ANKRD12: variants seen among roughly 807,000 people sequenced by gnomAD.
The protein encoded by ANKRD12 is ankyrin repeat domain 12.
In ANKRD12, 85 loss-of-function variants were observed where a neutral mutation model predicts 183.4. The observed-to-expected ratio is 0.46, with a 90% CI of 0.39 to 0.56. ANKRD12 has a LOEUF of 0.56. Ranked by LOEUF, ANKRD12 falls within the 20% of genes least tolerant of loss-of-function variation. ANKRD12 has a pLI of 0.00. For missense variants in ANKRD12, 2,405 were observed against 2,357.1 expected, an observed-to-expected ratio of 1.02 and a Z score of -0.42; for synonymous variants, 914 against 800.2, an observed-to-expected ratio of 1.14 and a Z score of -2.40.
intron 1 of ANKRD12, among the ~76,000 whole-genome samples, chr18:9,162,674 T>C (rs989721389): frequency 2.0e-5 from 3 of 152,238 alleles, no homozygotes; most frequent in African/African-American, 4.8e-5. Flanking sequence ...CCACTAACAG[T>C]GTAAAAGCAT....
chr18:9,170,466 C>T (rs1046049174), intron 1 of ANKRD12, among the ~76,000 whole-genome samples: 7 of 152,082 alleles, frequency 4.6e-5, no homozygotes, highest in African/African-American at 9.7e-5. Flanking sequence ...TTTGATCTTC[C>T]GTCACTTATA....
At chr18:9,165,552 A>G (rs1314519171) in intron 1 of ANKRD12, among the ~76,000 whole-genome samples, 1 of 152,118 alleles carries the variant, frequency 6.6e-6, no homozygotes, top group Non-Finnish European at 1.5e-5. Flanking sequence ...ATCCTAATTT[A>G]TATCTATGAA....
In ANKRD12 at chr18:9,278,608, C is replaced by A. The variant is rs535977758; in HGVS notation, c.5908-941C>A. Among the ~76,000 whole-genome samples, 12 of 152,182 alleles carry A rather than the reference C, an allele frequency of 7.9e-5. No homozygotes were observed. The South Asian group carries it at 2.5e-3, about 32-fold the overall frequency. On this transcript the variant is annotated intron_variant, in intron 11 of 12. Coordinates refer to ENST00000262126, the MANE Select transcript of ANKRD12 (RefSeq NM_015208.5). ...GGTCAGGAGTTCGAGACCAGCCTGG[C>A]CAATATGGTGAAACCACATCTCTAG... is the stretch of plus-strand genomic sequence containing the variant.
rs376461341 is a variant in ANKRD12, at chr18:9,263,765, A to G, written c.5665-25A>G. On this transcript the variant is annotated intron_variant, in intron 9 of 12. Transcript: ENST00000262126. ...TATTGTAAATAAAACCTAATATTTT[A>G]AACTATATATATCTTTTTAATTAGA... The G allele has an allele frequency of 6.2e-6, 9 of 1,458,594 alleles. No homozygotes were observed. In the African/African-American group the frequency reaches 1.3e-4, roughly 21 times the overall value. 90.4% of individuals were successfully genotyped at this position (1,458,594 alleles called of 1,614,324 possible).
chr18:9,218,672 T>C (rs986303709), intron 7 of ANKRD12, among the ~76,000 whole-genome samples: 3 of 151,382 alleles, frequency 2.0e-5, no homozygotes, highest in East Asian at 1.9e-4. Flanking sequence ...TTTCTTTTTT[T>C]TTTTTTCTTT....
chr18:9,186,771 G>C (rs1256954427), intron 2 of ANKRD12, among the ~76,000 whole-genome samples: 2 of 56,924 alleles, frequency 3.5e-5, no homozygotes, highest in Non-Finnish European at 3.5e-5. Flanking sequence ...TTTTTTTTTT[G>C]ACGGAGTCTC....
chr18:9,249,641 A>AT (rs959463634), intron 8 of ANKRD12: 11 of 152,116 alleles, frequency 7.2e-5, no homozygotes, highest in Non-Finnish European at 1.0e-4. Context: ...CTATATATAC[A>AT]TTTTTTTAAA....
intron 2 of ANKRD12, among the ~76,000 whole-genome samples, chr18:9,186,815 G>A (rs1469680768): frequency 3.4e-5 from 5 of 148,034 alleles, no homozygotes; most frequent in Non-Finnish European, 7.4e-5. Flanking sequence ...GGAGTGGCGC[G>A]ATCTCAGCTC....
At chr18:9,140,529 C>G (rs771975348) in intron 1 of ANKRD12, among the ~76,000 whole-genome samples, 9 of 152,178 alleles carry the variant, frequency 5.9e-5, no homozygotes. Flanking sequence ...GTTTCTGTAA[C>G]AGACAGTGGC....
At chr18:9,192,825 G>T (rs372963102) in intron 2 of ANKRD12, among the ~76,000 whole-genome samples, 51 of 151,858 alleles carry the variant, frequency 3.4e-4, no homozygotes, top group African/African-American at 1.2e-3. Flanking sequence ...GGGACTACAG[G>T]TGTGTGCCAT....
intron 2 of ANKRD12, among the ~76,000 whole-genome samples, chr18:9,186,862 C>G (rs1452751829): frequency 6.6e-6 from 1 of 151,542 alleles, no homozygotes; most frequent in Non-Finnish European, 1.5e-5. Context: ...CGCCATTCTC[C>G]TGCCTCAGCC....
At position 9,256,627 on chromosome 18, in the gene ANKRD12, A is replaced by G. The variant is rs774762021; in HGVS notation, c.3360A>G (p.Ile1120Met). 2 of 1,605,084 alleles carry G rather than the reference A, an allele frequency of 1.2e-6. No homozygotes were observed. Among genetic ancestry groups the G allele is most frequent in the South Asian group, 2.3e-5 (2 of 88,382 alleles). Residue 1120 changes from isoleucine (I) to methionine (M), a missense_variant, in exon 9 of 13, where the codon ATA becomes ATG. Transcript: ENST00000262126. ...ACCGAAACTGTTTAGAACTTAAAAT[A>G]AAAGATAAAGAAAAAACAAAGCATA... ...LRNRNCLELK[I>M]KDKEKTKHTP...
Position 9,285,429 on chromosome 18 carries a change from A to C in ANKRD12, c.*4303A>C, listed in dbSNP as rs1448594318. The C allele has an allele frequency of 3.3e-4, 41 of 125,266 alleles. 1 individual carries two copies. The highest frequency in any genetic ancestry group is 1.2e-3 in the African/African-American group (41 of 33,388). The allele number at this position is 125,266 out of a possible 1,614,324, so 7.8% of individuals were successfully genotyped here. A position where few individuals can be genotyped will look rare whatever the true frequency, so the allele number is the denominator to read the frequency against. Reference sequence around the variant, plus strand: ...CAACAAGAGTGAAACTCTGTCTCCAAAAAAAAAAAAAAAAAAAAAAAGTAT... The same window carrying C: ...CAACAAGAGTGAAACTCTGTCTCCACAAAAAAAAAAAAAAAAAAAAAGTAT... On this transcript the variant is annotated 3_prime_UTR_variant, in exon 13 of 13. Transcript: ENST00000262126.
At chr18:9,161,445 G>A (rs1053310631) in intron 1 of ANKRD12, among the ~76,000 whole-genome samples, 8 of 150,598 alleles carry the variant, frequency 5.3e-5, no homozygotes, top group South Asian at 4.2e-4. Context: ...GCGCGATCTC[G>A]GCTCACTGCA....
intron 3 of ANKRD12, among the ~76,000 whole-genome samples, chr18:9,196,324 A>G (rs1438504626): frequency 6.6e-6 from 1 of 152,074 alleles, no homozygotes; most frequent in Non-Finnish European, 1.5e-5. Context: ...AGTTATTCAT[A>G]ACGGATGAGA....
intron 1 of ANKRD12, among the ~76,000 whole-genome samples, chr18:9,140,328 G>GT (rs1269690699): frequency 6.6e-6 from 1 of 152,020 alleles, no homozygotes; most frequent in Non-Finnish European, 1.5e-5. Flanking sequence ...TACCTTTATT[G>GT]TTTTCATCTT....
intron 1 of ANKRD12, among the ~76,000 whole-genome samples, chr18:9,171,564 G>A (rs755733618): frequency 1.1e-4 from 17 of 152,068 alleles, no homozygotes; most frequent in Non-Finnish European, 1.8e-4. Context: ...GGCTGGCAGC[G>A]GAAAGGAAAG....
Position 9,283,612 on chromosome 18 carries a change from T to G in ANKRD12, c.*2486T>G, listed in dbSNP as rs2040169753. 6.6e-6 allele frequency: 1 copy of G among 152,634 alleles called. No individual in the cohort carries two copies. The highest frequency in any genetic ancestry group is 1.5e-5 in the Non-Finnish European group (1 of 68,016). The allele number at this position is 152,634 out of a possible 1,614,324, so 9.5% of individuals were successfully genotyped here. A position where few individuals can be genotyped will look rare whatever the true frequency, so the allele number is the denominator to read the frequency against. On this transcript the variant is annotated 3_prime_UTR_variant, in exon 13 of 13. Coordinates refer to ENST00000262126, the MANE Select transcript of ANKRD12 (RefSeq NM_015208.5). ...GAAAAAGGATGGTTAGTTTAATCAG[T>G]GATTCTTTTTAAACTCTTCAAATAT... is the stretch of plus-strand genomic sequence containing the variant.
At position 9,256,913 on chromosome 18, in the gene ANKRD12, T is replaced by C. The variant is rs745895466; in HGVS notation, c.3646T>C (p.Cys1216Arg). The change falls in exon 9 of 13, where the codon TGC (cysteine) becomes CGC (arginine). Residue 1216 changes from cysteine (C) to arginine (R), a missense_variant. Transcript: ENST00000262126. ...MISVASSEDS[C>R]HTTVTTPRPP... Reference sequence around the variant, plus strand: ...TTCTGTTGCTAGTTCAGAAGATTCCTGCCATACTACAGTGACAACCCCAAG... The same window carrying C: ...TTCTGTTGCTAGTTCAGAAGATTCCCGCCATACTACAGTGACAACCCCAAG... The C allele has an allele frequency of 6.2e-7, 1 of 1,614,050 alleles. No homozygotes were observed. The highest frequency in any genetic ancestry group is 8.5e-7 in the Non-Finnish European group (1 of 1,179,966).
Sources: allele counts gnomAD v4.1 joint callset (sites outside exome capture counted in the v4.1 genomes callset), GRCh38; gene constraint gnomAD v4.1.1; transcripts MANE v1.5; gene names NCBI Gene and HGNC (gene_info 2026-07-23, HGNC 2026-07-21).